The following MAEA variants were observed in gnomAD, a reference collection of about 807,000 sequenced individuals.
MAEA encodes the protein macrophage erythroblast attacher, E3 ubiquitin ligase.
A neutral mutation model predicts 46.2 loss-of-function variants in MAEA; 22 were observed. That is an observed-to-expected ratio of 0.48 (90% confidence interval 0.34 to 0.68). The LOEUF is 0.68. MAEA is among the 30% of genes least tolerant of loss of function. The pLI is 0.01. For missense variants in MAEA, 393 were observed against 558.1 expected (o/e 0.70, Z 2.98); for synonymous variants, 246 against 222.6 (o/e 1.11, Z -0.94).
At position 1,312,012 on chromosome 4, in the gene MAEA, G is replaced by A; in HGVS notation, c.103G>A (p.Ala35Thr). The A allele has an allele frequency of 1.2e-6, 2 of 1,613,656 alleles. No homozygotes were observed. Among genetic ancestry groups the A allele is most frequent in the East Asian group, 2.2e-5 (1 of 44,864 alleles). Residue 35 changes from alanine (A) to threonine (T), a missense_variant, in exon 2 of 9, where the codon GCC becomes ACC. Ala to Thr is a moderately conservative substitution (Grantham distance 58, BLOSUM62 0). This residue lies in a region of MAEA where 358 missense variants were observed against 537.9 expected (regional missense o/e 0.67). Coordinates refer to ENST00000303400, the MANE Select transcript of MAEA (RefSeq NM_001017405.3). Reference protein sequence around the residue: ...PYETLNKRFRAAQKNIDRETS... With the variant: ...PYETLNKRFRTAQKNIDRETS... ...CGAGACGCTGAACAAACGCTTTCGC[G>A]CCGCTCAGAAGAACATTGACCGGGA... is the stretch of plus-strand genomic sequence containing the variant.
chr4:1,298,589 G>A (rs970655943), intron 1 of MAEA, among the ~76,000 whole-genome samples: 3 of 152,198 alleles, frequency 2.0e-5, no homozygotes, highest in African/African-American at 7.2e-5. Flanking sequence ...TGAGACCCAT[G>A]ATGGATTCTT....
chr4:1,307,792 G>T (rs1379812058), intron 1 of MAEA, among the ~76,000 whole-genome samples: 1 of 152,190 alleles, frequency 6.6e-6, no homozygotes, highest in Non-Finnish European at 1.5e-5. Context: ...CTCCAGGAGG[G>T]ACAGGAAATT....
At chr4:1,321,861 G>GTTTTTT (rs1240201773) in intron 3 of MAEA, among the ~76,000 whole-genome samples, 65 of 134,810 alleles carry the variant, frequency 4.8e-4, no homozygotes, top group Non-Finnish European at 7.5e-4. Context: ...GGGTTACTCT[G>GTTTTTT]TTTTTTTTGT....
chr4:1,293,956 G>T (rs1460489028), intron 1 of MAEA, among the ~76,000 whole-genome samples: 1 of 152,224 alleles, frequency 6.6e-6, no homozygotes, highest in East Asian at 1.9e-4. Flanking sequence ...CTGGATTTGG[G>T]AGGATCATGT....
At chr4:1,337,237 C>T in intron 7 of MAEA, 1 of 542,236 alleles carries the variant, frequency 1.8e-6, no homozygotes, top group Admixed American at 3.6e-5. Context: ...ATCTCAGAGG[C>T]CGCCATGGGC....
intron 1 of MAEA, chr4:1,309,380 G>C: frequency 8.1e-7 from 1 of 1,236,650 alleles, no homozygotes; most frequent in Non-Finnish European, 1.0e-6. Context: ...GTGGAGGGGA[G>C]CTTTTAGGGC....
Position 1,311,921 on chromosome 4 carries a change from G to T in MAEA, c.70-58G>T. On this transcript the variant is annotated intron_variant, in intron 1 of 8. Coordinates refer to ENST00000303400, the MANE Select transcript of MAEA (RefSeq NM_001017405.3). The surrounding 1 kb of genome is among the most constrained non-coding windows in gnomAD (Gnocchi z 4.4). The stretch of plus-strand genomic sequence containing the variant: ...GGAGACCTGGTGTGTCCTGGGTGTG[G>T]GGCTGGTGGGGCTCACACCAGGGGA... 1 of 1,498,762 alleles carries T rather than the reference G, an allele frequency of 6.7e-7. No individual in the cohort carries two copies. The allele number at this position is 1,498,762 out of a possible 1,614,324, so 92.8% of individuals were successfully genotyped here.
chr4:1,332,751 T>G lies in MAEA; in HGVS notation c.657-6T>G, dbSNP rs759242261. On this transcript the variant is annotated splice_region_variant and splice_polypyrimidine_tract_variant and intron_variant, in intron 5 of 8. Coordinates refer to ENST00000303400, the MANE Select transcript of MAEA (RefSeq NM_001017405.3). Reference sequence around the variant, plus strand: ...AACTTAAATGTGCCAAAATGTTGTTTTTTAGACATGCAAGAAAGCACTTCA... The same window carrying G: ...AACTTAAATGTGCCAAAATGTTGTTGTTTAGACATGCAAGAAAGCACTTCA... 1.2e-4 allele frequency: 195 copies of G among 1,607,688 alleles called. No homozygotes were observed. Among genetic ancestry groups the G allele is most frequent in the Non-Finnish European group, 1.6e-4 (193 of 1,175,974 alleles).
intron 4 of MAEA, among the ~76,000 whole-genome samples, 177 bp from the exon 5 acceptor site, chr4:1,327,450 A>G (rs1274091996): frequency 6.6e-6 from 1 of 152,204 alleles, no homozygotes; most frequent in Non-Finnish European, 1.5e-5. Context: ...TTCCCTGGAA[A>G]GTCTGCTGCA....
rs539066469 is a variant in MAEA at position 1,322,448 on chromosome 4, C to T, written c.524C>T (p.Thr175Met). ...EVEESLERRE[T>M]ATCLAWCHDN... Reference sequence around the variant, plus strand: ...GAGGAGTCCCTGGAGAGGCGTGAGACGGCCACCTGCCTGGCCTGGTGCCAT... The same window carrying T: ...GAGGAGTCCCTGGAGAGGCGTGAGATGGCCACCTGCCTGGCCTGGTGCCAT... The change falls in exon 4 of 9, where the codon ACG becomes ATG. Residue 175 changes from threonine to methionine, a missense_variant. Thr to Met is a moderately conservative substitution (Grantham distance 81, BLOSUM62 -1). Coordinates refer to ENST00000303400, the MANE Select transcript of MAEA (RefSeq NM_001017405.3). 2.1e-5 allele frequency: 34 copies of T among 1,614,032 alleles called. No individual in the cohort carries two copies. The highest frequency in any genetic ancestry group is 2.5e-5 in the Non-Finnish European group (29 of 1,180,018).
intron 1 of MAEA, among the ~76,000 whole-genome samples, chr4:1,305,999 G>A (rs73073709): frequency 0.02 from 2,985 of 152,260 alleles, 109 homozygotes; most frequent in African/African-American, 0.067. Context: ...ACCATGCCCC[G>A]CCCACAGGAG....
intron 6 of MAEA, chr4:1,334,879 A>G (rs910345322): frequency 1.0e-6 from 1 of 985,304 alleles, no homozygotes; most frequent in Non-Finnish European, 1.2e-6. Flanking sequence ...CCTCCCTTGT[A>G]GACTTTGATT....
intron 1 of MAEA, among the ~76,000 whole-genome samples, chr4:1,303,375 C>A (rs1330302225): frequency 1.5e-5 from 2 of 131,922 alleles, no homozygotes; most frequent in African/African-American, 3.0e-5. Context: ...GCACTCCAGC[C>A]TGGGCGACAG....
At chr4:1,301,845 C>G (rs977567243) in intron 1 of MAEA, among the ~76,000 whole-genome samples, 1 of 152,152 alleles carries the variant, frequency 6.6e-6, no homozygotes, top group Non-Finnish European at 1.5e-5. Context: ...CCGAATAGAC[C>G]TATAACAGGT....
intron 7 of MAEA, chr4:1,337,506 C>T (rs995084108): frequency 1.6e-5 from 3 of 193,420 alleles, no homozygotes; most frequent in Non-Finnish European, 3.3e-5. Context: ...CCGCCTGCAA[C>T]GGACTTGGTC....
At chr4:1,309,907 G>A (rs1445953107) in intron 1 of MAEA, 58 of 1,287,064 alleles carry the variant, frequency 4.5e-5, no homozygotes, top group Non-Finnish European at 5.4e-5. Context: ...GGAAAGTCCA[G>A]AAAGGCCCCG....
chr4:1,308,206 G>A (rs978832675), intron 1 of MAEA, among the ~76,000 whole-genome samples: 10 of 152,064 alleles, frequency 6.6e-5, no homozygotes, highest in South Asian at 2.1e-4. Context: ...GCTGTTCCAC[G>A]GTGGTGTTTT....
intron 1 of MAEA, among the ~76,000 whole-genome samples, chr4:1,294,821 A>G (rs1025796956): frequency 1.5e-4 from 1 of 6,706 alleles, no homozygotes. Context: ...GGGCAGGGGC[A>G]GGGGCAGGGG....
intron 1 of MAEA, among the ~76,000 whole-genome samples, chr4:1,303,913 C>T (rs1254683067): frequency 1.4e-4 from 6 of 42,358 alleles, no homozygotes; most frequent in Non-Finnish European, 3.1e-4. Context: ...GGGTGGGGGT[C>T]GGGCAGGGCA....
Sources: gnomAD v4.1 joint callset for allele counts (sites outside exome capture counted in the v4.1 genomes callset) on GRCh38, gnomAD v4.1.1 for gene constraint, gnomAD v4.1.1 regional missense constraint, Gnocchi (gnomAD v3.1) non-coding constraint, MANE v1.5 for transcripts, NCBI Gene and HGNC (gene_info 2026-07-23, HGNC 2026-07-21) for gene names.